The following WNT3A variants were observed in gnomAD, a reference collection of about 807,000 sequenced individuals.
WNT3A encodes protein Wnt-3a.
In WNT3A, 17 loss-of-function variants were observed where a neutral mutation model predicts 37.0. The observed-to-expected ratio is 0.46, with a 90% CI of 0.31 to 0.69. The LOEUF is 0.69. WNT3A is among the 30% of genes least tolerant of loss of function. The pLI, the probability that WNT3A is intolerant of heterozygous loss-of-function variation, is 0.05. For synonymous variants in WNT3A, 187 were observed against 211.0 expected (o/e 0.89, Z 0.99); for missense variants, 411 against 510.2 (o/e 0.81, Z 1.87).
chr1:228,028,109 C>T (rs996874659), intron 2 of WNT3A, among the ~76,000 whole-genome samples: 2 of 152,050 alleles, frequency 1.3e-5, no homozygotes, highest in African/African-American at 2.4e-5. Flanking sequence ...TTTCTGGGTT[C>T]TCTATTCTGT....
chr1:228,060,193 C>CT lies in WNT3A; in HGVS notation c.*730dup, dbSNP rs1558297823. Reference sequence around the variant, plus strand: ...AACCGCCCTCCTGATTAAGGCGTGGCTTCTGCAGGAATCCCGGCTCCAGAG... The same window carrying CT: ...AACCGCCCTCCTGATTAAGGCGTGGCTTTCTGCAGGAATCCCGGCTCCAGAG... On this transcript the variant is annotated 3_prime_UTR_variant, in exon 4 of 4. Coordinates refer to ENST00000284523, the MANE Select transcript of WNT3A (RefSeq NM_033131.4). The CT allele has an allele frequency of 3.7e-6, 5 of 1,351,710 alleles. No homozygotes were observed. The South Asian group carries it at 5.7e-5, about 15-fold the overall frequency. 83.7% of individuals were successfully genotyped at this position (1,351,710 alleles called of 1,614,324 possible). A position where few individuals can be genotyped will look rare whatever the true frequency, so the allele number is the denominator to read the frequency against.
intron 2 of WNT3A, among the ~76,000 whole-genome samples, chr1:228,044,373 A>G (rs2031355098): frequency 6.6e-6 from 1 of 152,012 alleles, no homozygotes; most frequent in African/African-American, 2.4e-5. Flanking sequence ...TCGTTTTTCT[A>G]TCAAGATCCC....
chr1:228,012,732 G>A (rs1043286079), intron 1 of WNT3A, among the ~76,000 whole-genome samples: 1 of 152,190 alleles, frequency 6.6e-6, no homozygotes. Flanking sequence ...AGGGGCTGGG[G>A]CAGAGGTTGC....
At chr1:228,036,017 TGGGA>T (rs1289917050) in intron 2 of WNT3A, among the ~76,000 whole-genome samples, 2 of 152,158 alleles carry the variant, frequency 1.3e-5, no homozygotes, top group East Asian at 3.9e-4. Flanking sequence ...CCTGGTGGCC[TGGGA>T]GGAAGGAGCC....
At chr1:228,014,063 C>T (rs1235243751) in intron 1 of WNT3A, among the ~76,000 whole-genome samples, 1 of 152,178 alleles carries the variant, frequency 6.6e-6, no homozygotes, top group Non-Finnish European at 1.5e-5. Context: ...GGACTCAGGG[C>T]ACAAATTGCA....
chr1:228,010,544 GC>G (rs1372048249), intron 1 of WNT3A, among the ~76,000 whole-genome samples: 1 of 152,156 alleles, frequency 6.6e-6, no homozygotes, highest in Admixed American at 6.5e-5. Flanking sequence ...AGCCACCGTC[GC>G]TGCCTAGTGG....
At chr1:228,020,398 C>T (rs2030669437) in intron 1 of WNT3A, among the ~76,000 whole-genome samples, 1 of 152,230 alleles carries the variant, frequency 6.6e-6, no homozygotes, top group Non-Finnish European at 1.5e-5. Context: ...TGGTTCAACC[C>T]ACCTTCTCCT....
chr1:228,058,600 G>C (rs1368547591), intron 3 of WNT3A, among the ~76,000 whole-genome samples: 1 of 152,220 alleles, frequency 6.6e-6, no homozygotes, highest in Non-Finnish European at 1.5e-5. Context: ...TCTGGGCAGC[G>C]TGCCTGAGTC....
intron 1 of WNT3A, among the ~76,000 whole-genome samples, chr1:228,018,722 CT>C (rs1259344421): frequency 6.6e-6 from 1 of 152,182 alleles, no homozygotes. Flanking sequence ...AATGACCCAA[CT>C]GATCCTTCAA....
chr1:228,023,587 AGAGAAACT>A (rs1364938305), intron 2 of WNT3A, among the ~76,000 whole-genome samples: 1 of 152,346 alleles, frequency 6.6e-6, no homozygotes, highest in East Asian at 1.9e-4. Flanking sequence ...AGACACAGAG[AGAGAAACT>A]GAGAGACAGA....
At chr1:228,018,555 G>A (rs1479370986) in intron 1 of WNT3A, among the ~76,000 whole-genome samples, 1 of 152,080 alleles carries the variant, frequency 6.6e-6, no homozygotes, top group African/African-American at 2.4e-5. Context: ...ACCACACCCA[G>A]CTAACCTTTG....
chr1:228,050,616 G>A lies in WNT3A; in HGVS notation c.314-40G>A, dbSNP rs373493711. 1.4e-5 allele frequency: 21 copies of A among 1,547,020 alleles called. No individual in the cohort carries two copies. In the African/African-American group the frequency reaches 2.5e-4, roughly 18 times the overall value. On this transcript the variant is annotated intron_variant, in intron 2 of 3. Transcript: ENST00000284523. The surrounding 1 kb of genome is among the most constrained non-coding windows in gnomAD (Gnocchi z 5.0). ...TGACCTGCCCAAGGCGGTCCTTTGAGCTGAGCCCTGTTAACCCTGCATCTC... is the reference window on the plus strand; with the variant it reads ...TGACCTGCCCAAGGCGGTCCTTTGAACTGAGCCCTGTTAACCCTGCATCTC...
Position 228,022,902 on chromosome 1 carries a change from G to C in WNT3A, c.307G>C (p.Asp103His). 6.2e-7 allele frequency: 1 copy of C among 1,606,892 alleles called. No individual in the cohort carries two copies. Among genetic ancestry groups the C allele is most frequent in the Non-Finnish European group, 8.5e-7 (1 of 1,174,866 alleles). The stretch of plus-strand genomic sequence containing the variant: ...CCTGGCCATCTTCGGGCCCGTGCTG[G>C]ACAAAGGTATGGGGGTGGTCTGGGG... ...DSLAIFGPVL[D>H]KATRESAFVH... Residue 103 changes from aspartate to histidine, a missense_variant, in exon 2 of 4, where the codon GAC becomes CAC. Coordinates refer to ENST00000284523, the MANE Select transcript of WNT3A (RefSeq NM_033131.4).
chr1:228,010,047 G>A (rs1370515174), intron 1 of WNT3A, among the ~76,000 whole-genome samples: 3 of 152,160 alleles, frequency 2.0e-5, no homozygotes, highest in South Asian at 2.1e-4. Context: ...GCCCACCTGC[G>A]TCCCATGAGG....
intron 1 of WNT3A, among the ~76,000 whole-genome samples, chr1:228,018,788 C>T (rs2030606412): frequency 6.6e-6 from 1 of 152,224 alleles, no homozygotes; most frequent in South Asian, 2.1e-4. Flanking sequence ...CTCTGCACTG[C>T]TCCCTGGCCC....
In WNT3A at chr1:228,022,923, T is replaced by C; in HGVS notation, c.313+15T>C. The C allele has an allele frequency of 6.3e-7, 1 of 1,591,444 alleles. No homozygotes were observed. The highest frequency in any genetic ancestry group is 8.6e-7 in the Non-Finnish European group (1 of 1,165,196). ...GCTGGACAAAGGTATGGGGGTGGTC[T>C]GGGGGAGGGCAGATGAGTCTGGAGT... On this transcript the variant is annotated intron_variant, in intron 2 of 3. Transcript: ENST00000284523.
At chr1:228,028,235 A>G (rs1251950335) in intron 2 of WNT3A, among the ~76,000 whole-genome samples, 1 of 151,224 alleles carries the variant, frequency 6.6e-6, no homozygotes, top group African/African-American at 2.4e-5. Context: ...TTAGTAGTAT[A>G]ATTTGTTTTT....
In WNT3A at chr1:228,042,303, A is replaced by T. The variant is rs1443807331; in HGVS notation, c.314-8353A>T. The stretch of plus-strand genomic sequence containing the variant: ...CTGGAGGATTTTTTTTACTGTGGTT[A>T]TTGAGAGTGGGCACCTTGCTTCTTA... On this transcript the variant is annotated intron_variant, in intron 2 of 3. Transcript: ENST00000284523. This position sits in a 1 kb window ranked among gnomAD's most constrained non-coding sequence, Gnocchi z 5.2. Among the ~76,000 whole-genome samples the T allele has an allele frequency of 6.6e-6, 1 of 152,096 alleles. No homozygotes were observed. The highest frequency in any genetic ancestry group is 1.5e-5 in the Non-Finnish European group (1 of 68,026).
chr1:228,048,146 C>T (rs1440042944), intron 2 of WNT3A, among the ~76,000 whole-genome samples: 1 of 152,196 alleles, frequency 6.6e-6, no homozygotes, highest in Admixed American at 6.5e-5. Context: ...CCCTGTATCC[C>T]CGCCTTGTCC....
Sources: allele counts gnomAD v4.1 joint callset (sites outside exome capture counted in the v4.1 genomes callset), GRCh38; gene constraint gnomAD v4.1.1; non-coding constraint Gnocchi (gnomAD v3.1); transcripts MANE v1.5; gene names NCBI Gene and HGNC (gene_info 2026-07-23, HGNC 2026-07-21).